PPP1R1C: variants seen among roughly 807,000 people sequenced by gnomAD.
The protein encoded by PPP1R1C is protein phosphatase 1 regulatory inhibitor subunit 1C, also known as protein phosphatase 1 regulatory subunit 1C.
PPP1R1C carries 15 observed loss-of-function variants against 17.4 expected under a neutral mutation model. That is an observed-to-expected ratio of 0.86 (90% confidence interval 0.58 to 1.33). The LOEUF (loss-of-function observed/expected upper bound fraction) is 1.33. Ranked by LOEUF, PPP1R1C falls within the 40% of genes most tolerant of loss-of-function variation. The pLI is 0.00. For missense variants in PPP1R1C, 143 were observed against 130.0 expected (o/e 1.10, Z -0.48); for synonymous variants, 35 against 43.1 (o/e 0.81, Z 0.73).
At chr2:181,974,592 A>T (rs1234646977) in intron 1 of PPP1R1C, among the ~76,000 whole-genome samples, 2 of 152,218 alleles carry the variant, frequency 1.3e-5, no homozygotes, top group African/African-American at 2.4e-5. Flanking sequence ...CTCCATGTCA[A>T]CCTTATATAC....
intron 2 of PPP1R1C, among the ~76,000 whole-genome samples, chr2:182,026,681 T>A (rs918463800): frequency 1.3e-5 from 2 of 152,176 alleles, no homozygotes; most frequent in Non-Finnish European, 2.9e-5. Flanking sequence ...TAGGATTGAC[T>A]TGGCAATGCG....
Position 181,964,787 on chromosome 2 carries a change from C to T in PPP1R1C, n.111+10153C>T, listed in dbSNP as rs200649556. ...GTGGTGCAATCTCAGCTCACTACAA[C>T]ATCCGCCTCCCGGGTTCAAGAGATT... On this transcript the variant is annotated intron_variant and non_coding_transcript_variant, in intron 1 of 5. Transcript: ENST00000464264. Among the ~76,000 whole-genome samples, 9 of 152,282 alleles carry T rather than the reference C, an allele frequency of 5.9e-5. No homozygotes were observed. The South Asian group carries it at 8.3e-4, about 14-fold the overall frequency.
chr2:182,084,088 A>G (rs1688559008), intron 4 of PPP1R1C, among the ~76,000 whole-genome samples: 1 of 151,212 alleles, frequency 6.6e-6, no homozygotes, highest in African/African-American at 2.4e-5. Flanking sequence ...TATTCATGTC[A>G]TTTGCCTAAT....
chr2:182,120,825 T>G (rs1411857121), downstream of PPP1R1C, among the ~76,000 whole-genome samples: 1 of 152,048 alleles, frequency 6.6e-6, no homozygotes. Flanking sequence ...AGCTTCTGGA[T>G]TTTTCTGTTC....
chr2:182,028,461 C>T lies in PPP1R1C; in HGVS notation c.143-32981C>T, dbSNP rs899794296. ...AACATCTTTATTTCTGCCTTCATTT[C>T]ATTATGTATCCAGTAGTCATTCAGG... On this transcript the variant is annotated intron_variant, in intron 2 of 4. Coordinates refer to ENST00000682840, the MANE Select transcript of PPP1R1C (RefSeq NM_001080545.3). 7.2e-5 allele frequency among the ~76,000 whole-genome samples: 11 copies of T among 152,098 alleles called. No homozygotes were observed. The East Asian group carries it at 7.7e-4, about 11-fold the overall frequency.
At chr2:182,026,276 T>C in intron 2 of PPP1R1C, among the ~76,000 whole-genome samples, 1 of 128,978 alleles carries the variant, frequency 7.8e-6, no homozygotes. Flanking sequence ...GGACATGAAG[T>C]CCTTGCCCAT....
intron 2 of PPP1R1C, among the ~76,000 whole-genome samples, chr2:182,001,778 A>T (rs1378708782): frequency 1.3e-5 from 2 of 152,148 alleles, no homozygotes; most frequent in African/African-American, 4.8e-5. Context: ...AATCCATTTG[A>T]TGTGTTTTCT....
In PPP1R1C at chr2:182,074,840, G is replaced by T. The variant is rs1688247698; in HGVS notation, c.241+11049G>T. On this transcript the variant is annotated intron_variant, in intron 4 of 4. Coordinates refer to ENST00000682840, the MANE Select transcript of PPP1R1C (RefSeq NM_001080545.3). ...TTTCTGTGGGACAGTAAAGATACCA[G>T]CAATGCTGTCAAACAGTATACAAAT... 2.0e-5 allele frequency among the ~76,000 whole-genome samples: 3 copies of T among 152,302 alleles called. No individual in the cohort carries two copies. The East Asian group carries it at 5.8e-4, about 29-fold the overall frequency.
intron 1 of PPP1R1C, among the ~76,000 whole-genome samples, chr2:181,968,291 G>A (rs574863376): frequency 6.6e-6 from 1 of 152,182 alleles, no homozygotes; most frequent in Non-Finnish European, 1.5e-5. Flanking sequence ...CTACAGTGGG[G>A]TGTTGAAGTC....
chr2:182,003,781 C>T (rs1685839312), intron 2 of PPP1R1C, among the ~76,000 whole-genome samples: 2 of 152,028 alleles, frequency 1.3e-5, no homozygotes, highest in African/African-American at 4.8e-5. Context: ...AAAAGGAATG[C>T]TCAATAGCCT....
chr2:181,982,676 G>A (rs760452932), upstream of PPP1R1C, among the ~76,000 whole-genome samples: 3 of 152,164 alleles, frequency 2.0e-5, no homozygotes, highest in Admixed American at 6.5e-5. Flanking sequence ...GAGCGGGGAG[G>A]CAGGATGGCT....
intron 1 of PPP1R1C, among the ~76,000 whole-genome samples, chr2:181,956,653 T>C (rs1684674973): frequency 6.6e-6 from 1 of 152,262 alleles, no homozygotes; most frequent in Non-Finnish European, 1.5e-5. Flanking sequence ...CCAGTGATCA[T>C]GAGCATTTTT....
chr2:182,053,126 T>A (rs1559073219), intron 2 of PPP1R1C, among the ~76,000 whole-genome samples: 1 of 152,206 alleles, frequency 6.6e-6, no homozygotes, highest in Non-Finnish European at 1.5e-5. Flanking sequence ...TCAAGAAGGA[T>A]ATTAGTATGA....
At chr2:181,981,849 T>C (rs1340178293), upstream of PPP1R1C, among the ~76,000 whole-genome samples, 2 of 152,234 alleles carry the variant, frequency 1.3e-5, no homozygotes, top group Non-Finnish European at 2.9e-5. Flanking sequence ...AGAAAATCAT[T>C]GCATTAGGGC....
intron 4 of PPP1R1C, among the ~76,000 whole-genome samples, chr2:182,071,313 G>A (rs183528878): frequency 6.6e-6 from 1 of 151,510 alleles, no homozygotes; most frequent in South Asian, 2.1e-4. Flanking sequence ...ATACTGGTTA[G>A]GTATTTTCTA....
intron 5 of PPP1R1C, chr2:182,128,874 C>T (rs1689939499): frequency 6.6e-6 from 1 of 152,094 alleles, no homozygotes; most frequent in South Asian, 2.1e-4. Context: ...CTAAGTGCTG[C>T]ATACCAGATT....
intron 2 of PPP1R1C, among the ~76,000 whole-genome samples, chr2:182,004,948 T>C (rs1685873523): frequency 6.6e-6 from 1 of 152,264 alleles, no homozygotes; most frequent in Admixed American, 6.5e-5. Flanking sequence ...GGGATGGTAA[T>C]GAATTCAGAA....
intron 2 of PPP1R1C, among the ~76,000 whole-genome samples, chr2:182,051,696 A>G (rs1687523066): frequency 6.6e-6 from 1 of 152,220 alleles, no homozygotes; most frequent in South Asian, 2.1e-4. Flanking sequence ...TTACTCACAC[A>G]TTAGAGTGAA....
chr2:181,989,589 T>C (rs1685400836), intron 2 of PPP1R1C, among the ~76,000 whole-genome samples: 3 of 152,218 alleles, frequency 2.0e-5, no homozygotes, highest in Admixed American at 1.3e-4. Context: ...GGACCACTTA[T>C]CTTAGTAGAT....
Sources: gnomAD v4.1 joint callset for allele counts (sites outside exome capture counted in the v4.1 genomes callset) on GRCh38, gnomAD v4.1.1 for gene constraint, MANE v1.5 for transcripts, NCBI Gene and HGNC (gene_info 2026-07-23, HGNC 2026-07-21) for gene names.